The following RIC1 variants were observed in gnomAD, a reference collection of about 807,000 sequenced individuals.
RIC1 encodes RIC1 partner of RAB6A GEF complex.
A neutral mutation model predicts 169.0 loss-of-function variants in RIC1; 88 were observed. The ratio of observed to expected loss-of-function variants is 0.52; its 90% confidence interval spans 0.44 to 0.62. The LOEUF is 0.62. Ranked by LOEUF, RIC1 falls within the 20% of genes least tolerant of loss-of-function variation. The probability of loss-of-function intolerance (pLI) is 0.00; values close to 1 mark genes in which losing one functional copy is unlikely to be tolerated. For missense variants in RIC1, 1,877 were observed against 1,725.5 expected (o/e 1.09, Z -1.56); for synonymous variants, 790 against 601.5 (o/e 1.31, Z -4.59).
intron 8 of RIC1, among the ~76,000 whole-genome samples, chr9:5,741,397 G>C (rs1312874894): frequency 6.6e-6 from 1 of 152,148 alleles, no homozygotes; most frequent in African/African-American, 2.4e-5. Context: ...TTCTCAACCA[G>C]TATTTCTAAA....
chr9:5,709,265 T>C (rs1230876576), intron 3 of RIC1, among the ~76,000 whole-genome samples: 2 of 152,172 alleles, frequency 1.3e-5, no homozygotes, highest in Non-Finnish European at 2.9e-5. Context: ...CATTAACATT[T>C]ACAGTGTGTG....
intron 3 of RIC1, among the ~76,000 whole-genome samples, chr9:5,707,189 T>G (rs1822643632): frequency 6.6e-6 from 1 of 152,178 alleles, no homozygotes; most frequent in Non-Finnish European, 1.5e-5. Context: ...ATATTTGAAT[T>G]TTCTAGTTTT....
chr9:5,648,066 G>A (rs372561263), intron 1 of RIC1, among the ~76,000 whole-genome samples: 6 of 150,624 alleles, frequency 4.0e-5, no homozygotes, highest in African/African-American at 4.9e-5. Context: ...TACTGCAACC[G>A]CCACCTCCCG....
intron 10 of RIC1, 29 bp downstream of exon 10, chr9:5,743,766 G>T (rs1309559754): frequency 6.6e-7 from 1 of 1,524,232 alleles, no homozygotes; most frequent in Non-Finnish European, 8.9e-7. Context: ...AAATTGGCAT[G>T]GTATTAAAAA....
At chr9:5,745,044 A>C (rs1264089062) in intron 10 of RIC1, among the ~76,000 whole-genome samples, 1 of 152,114 alleles carries the variant, frequency 6.6e-6, no homozygotes, top group Non-Finnish European at 1.5e-5. Context: ...GTCTTTGCCC[A>C]CCTCCATAGT....
At chr9:5,727,331 G>A (rs990653559) in intron 6 of RIC1, among the ~76,000 whole-genome samples, 1 of 151,502 alleles carries the variant, frequency 6.6e-6, no homozygotes, top group South Asian at 2.1e-4. Flanking sequence ...GATCAAATCG[G>A]CTACTGAAGC....
At chr9:5,725,359 T>C (rs905278002) in intron 6 of RIC1, among the ~76,000 whole-genome samples, 2 of 152,214 alleles carry the variant, frequency 1.3e-5, no homozygotes, top group Non-Finnish European at 1.5e-5. Context: ...GTGTTTATAG[T>C]ATTCTCTGAT....
At position 5,775,238 on chromosome 9, in the gene RIC1, T is replaced by C. The variant is rs1827517130; in HGVS notation, c.*992T>C. 1.3e-5 allele frequency: 2 copies of C among 152,240 alleles called. No individual in the cohort carries two copies. The highest frequency in any genetic ancestry group is 6.5e-5 in the Admixed American group (1 of 15,278). 9.4% of individuals were successfully genotyped at this position (152,240 alleles called of 1,614,324 possible). A position where few individuals can be genotyped will look rare whatever the true frequency, so the allele number is the denominator to read the frequency against. On this transcript the variant is annotated 3_prime_UTR_variant, in exon 26 of 26. Transcript: ENST00000414202. ...AATTGAATAAAGATGGACTTCTATG[T>C]AAATAGACTGCTGAATCCTGTATTA...
chr9:5,724,591 ACT>A (rs1194064679), intron 6 of RIC1, among the ~76,000 whole-genome samples: 3 of 152,248 alleles, frequency 2.0e-5, no homozygotes, highest in Admixed American at 6.5e-5. Context: ...AACTTCCAAC[ACT>A]GTGTTGAATA....
intron 3 of RIC1, among the ~76,000 whole-genome samples, chr9:5,695,667 G>A (rs576354839): frequency 2.0e-5 from 3 of 151,130 alleles, no homozygotes; most frequent in South Asian, 4.2e-4. Context: ...CCGCCTTCTG[G>A]GTTCAAGCGA....
chr9:5,777,298 A>G (rs771076041), downstream of RIC1, among the ~76,000 whole-genome samples: 34 of 151,462 alleles, frequency 2.2e-4, no homozygotes, highest in Non-Finnish European at 4.7e-4. Context: ...TTAGGTTTCA[A>G]TATTCAAGTT....
chr9:5,693,793 T>C (rs1821728690), intron 3 of RIC1, among the ~76,000 whole-genome samples: 1 of 152,120 alleles, frequency 6.6e-6, no homozygotes, highest in Non-Finnish European at 1.5e-5. Context: ...AAATATGTCA[T>C]CATCATGTAT....
chr9:5,729,278 G>T (rs149486003), intron 6 of RIC1, among the ~76,000 whole-genome samples: 4 of 152,150 alleles, frequency 2.6e-5, no homozygotes, highest in Admixed American at 6.5e-5. Context: ...CCAGTTTTCC[G>T]TAGGAGTGGA....
intron 3 of RIC1, among the ~76,000 whole-genome samples, chr9:5,702,608 G>T (rs1041996994): frequency 1.3e-5 from 2 of 151,980 alleles, no homozygotes; most frequent in Non-Finnish European, 2.9e-5. Flanking sequence ...GCACCATCTC[G>T]GCTCACTGCA....
rs1451988977 is a variant in RIC1 at position 5,774,855 on chromosome 9, T to G, written c.*609T>G. On this transcript the variant is annotated 3_prime_UTR_variant, in exon 26 of 26. Transcript: ENST00000414202. ...TACCTGTGAGTTAATGTGCTTGTTT[T>G]AGCAAGCTTGATTCCCATTAGACCA... The G allele has an allele frequency of 2.0e-5, 3 of 152,276 alleles. No individual in the cohort carries two copies. Among genetic ancestry groups the G allele is most frequent in the Admixed American group, 6.5e-5 (1 of 15,284 alleles). 9.4% of individuals were successfully genotyped at this position (152,276 alleles called of 1,614,324 possible). A position where few individuals can be genotyped will look rare whatever the true frequency, so the allele number is the denominator to read the frequency against.
intron 7 of RIC1, among the ~76,000 whole-genome samples, chr9:5,733,071 T>G (rs920563119): frequency 6.6e-6 from 1 of 152,204 alleles, no homozygotes; most frequent in East Asian, 1.9e-4. Context: ...GCTCATAAAT[T>G]TTAGCTAAAA....
chr9:5,668,993 A>G (rs1819940914), intron 2 of RIC1, among the ~76,000 whole-genome samples: 1 of 152,166 alleles, frequency 6.6e-6, no homozygotes, highest in East Asian at 1.9e-4. Context: ...TGGACTGAGT[A>G]TTATGTTGTG....
intron 11 of RIC1, among the ~76,000 whole-genome samples, chr9:5,747,057 C>T (rs1238021670): frequency 6.6e-6 from 1 of 152,196 alleles, no homozygotes; most frequent in Non-Finnish European, 1.5e-5. Context: ...TGAGTCTACT[C>T]ACCTTTGAGA....
At chr9:5,740,282 C>G (rs191120929) in intron 8 of RIC1, among the ~76,000 whole-genome samples, 2 of 152,122 alleles carry the variant, frequency 1.3e-5, no homozygotes, top group African/African-American at 4.8e-5. Flanking sequence ...ACTGTCAGTG[C>G]GTACTATTAG....
Sources: allele counts gnomAD v4.1 joint callset (sites outside exome capture counted in the v4.1 genomes callset), GRCh38; gene constraint gnomAD v4.1.1; transcripts MANE v1.5; gene names NCBI Gene and HGNC (gene_info 2026-07-23, HGNC 2026-07-21).